ABTB2: variants seen among roughly 807,000 people sequenced by gnomAD.
ABTB2 encodes the protein ankyrin repeat and BTB/POZ domain-containing protein 2.
ABTB2 carries 56 observed loss-of-function variants against 104.1 expected under a neutral mutation model. That is an observed-to-expected ratio of 0.54 (90% CI 0.43 to 0.67). The LOEUF (loss-of-function observed/expected upper bound fraction) is 0.67, where lower values mean the gene tolerates loss of function less well. Among genes scored for constraint, ABTB2 ranks in the 30% least tolerant of loss-of-function variants. The pLI is 0.00. For missense variants in ABTB2, 1,279 were observed against 1,407.7 expected (o/e 0.91, Z 1.46); for synonymous variants, 606 against 608.2 (o/e 1.00, Z 0.05).
chr11:34,234,340 T>C (rs1217861537), intron 1 of ABTB2, among the ~76,000 whole-genome samples: 1 of 152,162 alleles, frequency 6.6e-6, no homozygotes, highest in African/African-American at 2.4e-5. Context: ...TGGAGAACTT[T>C]TAGATTCTCC....
chr11:34,347,902 G>A (rs985959683), intron 1 of ABTB2, among the ~76,000 whole-genome samples: 1 of 152,206 alleles, frequency 6.6e-6, no homozygotes, highest in East Asian at 1.9e-4. Flanking sequence ...AAAAGTTCTG[G>A]GACCATCTTC....
intron 1 of ABTB2, among the ~76,000 whole-genome samples, chr11:34,293,223 AG>A (rs928674836): frequency 3.3e-5 from 5 of 151,976 alleles, no homozygotes; most frequent in South Asian, 2.1e-4. Flanking sequence ...ACTGATGTCG[AG>A]GGGGGGCCCA....
chr11:34,170,221 C>T (rs989795110), intron 5 of ABTB2, among the ~76,000 whole-genome samples: 17 of 152,160 alleles, frequency 1.1e-4, no homozygotes, highest in African/African-American at 4.1e-4. Flanking sequence ...CTCATCTATA[C>T]AATGGGGAAA....
At chr11:34,214,532 CT>C (rs5790978) in intron 1 of ABTB2, among the ~76,000 whole-genome samples, 16,922 of 122,914 alleles carry the variant, frequency 0.14, 1,346 homozygotes, top group East Asian at 0.38. Flanking sequence ...AAAAATACCA[CT>C]TTTTTTTTTT....
intron 1 of ABTB2, among the ~76,000 whole-genome samples, chr11:34,299,358 T>A (rs1289681220): frequency 2.6e-5 from 4 of 152,194 alleles, no homozygotes; most frequent in African/African-American, 9.7e-5. Flanking sequence ...ATGGTTTTTT[T>A]TAAAAAAATA....
intron 1 of ABTB2, among the ~76,000 whole-genome samples, chr11:34,300,393 C>A (rs1854688724): frequency 6.6e-6 from 1 of 152,186 alleles, no homozygotes; most frequent in Non-Finnish European, 1.5e-5. Flanking sequence ...GCTGCTCCAC[C>A]CCAGAAAGAG....
chr11:34,265,895 G>A (rs1230020616), intron 1 of ABTB2, among the ~76,000 whole-genome samples: 2 of 152,002 alleles, frequency 1.3e-5, no homozygotes, highest in Non-Finnish European at 2.9e-5. Flanking sequence ...CTTGAACCCT[G>A]GAGGCAGAGG....
At chr11:34,313,327 C>T (rs1353360166) in intron 1 of ABTB2, among the ~76,000 whole-genome samples, 1 of 152,218 alleles carries the variant, frequency 6.6e-6, no homozygotes, top group Non-Finnish European at 1.5e-5. Flanking sequence ...TGGGCCGGCT[C>T]CCGAGCACCT....
intron 1 of ABTB2, among the ~76,000 whole-genome samples, chr11:34,264,835 C>T (rs759243669): frequency 1.3e-5 from 2 of 152,212 alleles, no homozygotes; most frequent in Non-Finnish European, 2.9e-5. Flanking sequence ...CTCCTCATCC[C>T]GACCCCACTT....
In ABTB2 at chr11:34,152,001, CAGTTGGG is replaced by C. The variant is rs1036140418; in HGVS notation, c.*379_*385del. On this transcript the variant is annotated 3_prime_UTR_variant, in exon 17 of 17. Coordinates refer to ENST00000435224, the MANE Select transcript of ABTB2 (RefSeq NM_145804.3). Reference sequence around the variant, plus strand: ...AGGATTCCTGTACCCCCAGGAGCCCCAGTTGGGATGGTCTGAGTTTACTGAGGCCCTA... The same window carrying C: ...AGGATTCCTGTACCCCCAGGAGCCCCATGGTCTGAGTTTACTGAGGCCCTA... 2.5e-5 allele frequency: 6 copies of C among 238,784 alleles called. No individual in the cohort carries two copies. In the Admixed American group the frequency reaches 3.1e-4, roughly 12 times the overall value. 14.8% of individuals were successfully genotyped at this position (238,784 alleles called of 1,614,324 possible).
chr11:34,357,812 G>T lies in ABTB2; in HGVS notation c.-229C>A, dbSNP rs1336697027. ...GGCGTCCCGACTCGCAGCTGCCACT[G>T]GAAAGAACCCCGTCGCTACCCCCCG... On this transcript the variant is annotated 5_prime_UTR_variant, in exon 1 of 17. Coordinates refer to ENST00000435224, the MANE Select transcript of ABTB2 (RefSeq NM_145804.3). 2 of 513,654 alleles carry T rather than the reference G, an allele frequency of 3.9e-6. No individual in the cohort carries two copies. 31.8% of individuals were successfully genotyped at this position (513,654 alleles called of 1,614,324 possible). A position where few individuals can be genotyped will look rare whatever the true frequency, so the allele number is the denominator to read the frequency against.
chr11:34,300,629 T>C (rs1395355443), intron 1 of ABTB2, among the ~76,000 whole-genome samples: 1 of 152,150 alleles, frequency 6.6e-6, no homozygotes, highest in Non-Finnish European at 1.5e-5. Context: ...ATTTTTGTCT[T>C]AGGCTTGCCA....
intron 1 of ABTB2, among the ~76,000 whole-genome samples, chr11:34,210,898 C>T (rs955138178): frequency 6.6e-6 from 1 of 152,224 alleles, no homozygotes; most frequent in African/African-American, 2.4e-5. Context: ...TATACTGCCC[C>T]ACTGAACGGT....
At chr11:34,291,626 A>T (rs1590243901) in intron 1 of ABTB2, among the ~76,000 whole-genome samples, 5 of 151,764 alleles carry the variant, frequency 3.3e-5, no homozygotes, top group Admixed American at 3.3e-4. Flanking sequence ...CTCCCGAGTA[A>T]CTTGGATTAC....
chr11:34,273,237 G>T (rs1033576191), intron 1 of ABTB2, among the ~76,000 whole-genome samples: 2 of 152,156 alleles, frequency 1.3e-5, no homozygotes, highest in African/African-American at 4.8e-5. Flanking sequence ...TTTGGTTAAT[G>T]GTTGTGATGC....
At chr11:34,229,110 A>G (rs1590223299) in intron 1 of ABTB2, among the ~76,000 whole-genome samples, 2 of 98,338 alleles carry the variant, frequency 2.0e-5, no homozygotes, top group African/African-American at 7.1e-5. Flanking sequence ...ACAGAGCAAG[A>G]CTCCGTCTTG....
At chr11:34,203,493 G>A (rs1359715702) in intron 2 of ABTB2, among the ~76,000 whole-genome samples, 2 of 152,166 alleles carry the variant, frequency 1.3e-5, no homozygotes, top group South Asian at 2.1e-4. Flanking sequence ...TCTCAGGGAC[G>A]GAGATGAAAC....
chr11:34,357,506 C>A lies in ABTB2; in HGVS notation c.78G>T (p.Ser26=), dbSNP rs575667261. 28 of 1,541,474 alleles carry A rather than the reference C, an allele frequency of 1.8e-5. No individual in the cohort carries two copies. The South Asian group carries it at 3.3e-4, about 18-fold the overall frequency. ...AGGACGAGAGGCTGAGCGAGCGGCA[C>A]GAGTCCCCGGCCCCATACCCGGAGT... ...TLDSGYGAGD[S]CRSLSLSSSK... is the part of the protein sequence containing the mutation. Residue 26 remains serine (S), a synonymous_variant, in exon 1 of 17, where the codon TCG becomes TCT. Transcript: ENST00000435224.
chr11:34,280,416 G>A (rs943629642), intron 1 of ABTB2, among the ~76,000 whole-genome samples: 5 of 152,116 alleles, frequency 3.3e-5, no homozygotes, highest in African/African-American at 1.2e-4. Flanking sequence ...TACCCATTCA[G>A]AAAATCCTCC....
Sources: gnomAD v4.1 joint callset for allele counts (sites outside exome capture counted in the v4.1 genomes callset) on GRCh38, gnomAD v4.1.1 for gene constraint, MANE v1.5 for transcripts, NCBI Gene and HGNC (gene_info 2026-07-23, HGNC 2026-07-21) for gene names.